The following DIP2C variants were observed in gnomAD, a reference collection of about 807,000 sequenced individuals.
The protein encoded by DIP2C is disco-interacting protein 2 homolog C.
Under a neutral mutation model 192.4 loss-of-function variants are expected in DIP2C, and 33 were observed. That is an observed-to-expected ratio of 0.17 (90% CI 0.13 to 0.23). The LOEUF is 0.23. Ranked by LOEUF, DIP2C falls within the 10% of genes least tolerant of loss-of-function variation. The probability of loss-of-function intolerance (pLI) is 1.00; values close to 1 mark genes in which losing one functional copy is unlikely to be tolerated. For missense variants in DIP2C, 1,537 were observed against 2,110.1 expected (o/e 0.73, Z 5.32); for synonymous variants, 979 against 864.1 (o/e 1.13, Z -2.33).
intron 1 of DIP2C, among the ~76,000 whole-genome samples, chr10:516,960 CCGCGGCA>C (rs1846404067): frequency 6.6e-6 from 1 of 151,416 alleles, no homozygotes; most frequent in African/African-American, 2.4e-5. Flanking sequence ...GGAGAGGCAT[CCGCGGCA>C]CTTCCCAGCA....
rs761170745 is a variant in DIP2C at position 344,781 on chromosome 10, GGCCACCGCCCGCA to G, written c.3453+15_3453+27del. The G allele has an allele frequency of 7.1e-6, 11 of 1,557,246 alleles. No individual in the cohort carries two copies. Among genetic ancestry groups the G allele is most frequent in the Non-Finnish European group, 9.6e-6 (11 of 1,149,060 alleles). ...CAGCACGCTCCGCAGTTGCCTCCAT[GGCCACCGCCCGCA>G]GCCACCCCCCTCACCTTTACGCCAG... On this transcript the variant is annotated intron_variant, in intron 28 of 36. Transcript: ENST00000280886.
chr10:477,881 A>T (rs1039240104), intron 2 of DIP2C, among the ~76,000 whole-genome samples: 17 of 134,442 alleles, frequency 1.3e-4, no homozygotes, highest in Non-Finnish European at 2.6e-4. Context: ...GAAGAAAACG[A>T]GAGAGAAGAA....
At chr10:391,149 G>A (rs1379824267) in intron 10 of DIP2C, among the ~76,000 whole-genome samples, 2 of 152,204 alleles carry the variant, frequency 1.3e-5, no homozygotes, top group African/African-American at 2.4e-5. Context: ...CGTTCAGCGG[G>A]TCGCGTTAAG....
At chr10:415,714 G>A (rs1428681538) in intron 7 of DIP2C, 55 bp downstream of exon 7, 1 of 1,590,804 alleles carries the variant, frequency 6.3e-7, no homozygotes, top group Non-Finnish European at 8.6e-7. Flanking sequence ...AAATATCATT[G>A]TTTACGGGAC....
chr10:336,957 GTGTTGTGGAGGCCTAGGCAGC>G (rs1478204369), intron 29 of DIP2C, among the ~76,000 whole-genome samples: 15 of 79,080 alleles, frequency 1.9e-4, no homozygotes, highest in Non-Finnish European at 5.0e-4. Flanking sequence ...GCGTGTGTGT[GTGTTGTGGAGGCCTAGGCAGC>G]TGTGTGTGTG....
In DIP2C at chr10:614,315, G is replaced by A. The variant is rs557630669; in HGVS notation, c.85+75179C>T. Among the ~76,000 whole-genome samples, 21 of 152,326 alleles carry A rather than the reference G, an allele frequency of 1.4e-4. No individual in the cohort carries two copies. In the East Asian group the frequency reaches 3.1e-3, roughly 22 times the overall value. ...GCATTTCCCCTGGAGACTCGGAGAC[G>A]GGAGCCTGGCCAAGGAGGCCAGAGT... On this transcript the variant is annotated intron_variant, in intron 1 of 36. Coordinates refer to ENST00000280886, the MANE Select transcript of DIP2C (RefSeq NM_014974.3).
At chr10:505,744 C>T (rs981150948) in intron 1 of DIP2C, among the ~76,000 whole-genome samples, 3 of 151,874 alleles carry the variant, frequency 2.0e-5, no homozygotes, top group African/African-American at 7.3e-5. Flanking sequence ...TCTGGGTGCA[C>T]CTGACACCAG....
intron 1 of DIP2C, among the ~76,000 whole-genome samples, chr10:591,405 G>T (rs1369661603): frequency 6.6e-6 from 1 of 152,136 alleles, no homozygotes; most frequent in African/African-American, 2.4e-5. Context: ...GATTACAGGT[G>T]TGAGCCACCA....
At chr10:444,667 T>C (rs982535713) in intron 3 of DIP2C, among the ~76,000 whole-genome samples, 2 of 151,264 alleles carry the variant, frequency 1.3e-5, no homozygotes, top group African/African-American at 4.9e-5. Context: ...GTGTAGATTC[T>C]CCACCGTCAC....
rs759270491 is a variant in DIP2C, at chr10:584,524, C to A, written c.86-97994G>T. ...ACCTCTCAGATAATCTCGGGGCCCG[C>A]GACCTGGCCCCCACTCACGGGCACC... On this transcript the variant is annotated intron_variant, in intron 1 of 36. Coordinates refer to ENST00000280886, the MANE Select transcript of DIP2C (RefSeq NM_014974.3). Among the ~76,000 whole-genome samples the A allele has an allele frequency of 2.2e-5, 3 of 133,548 alleles. No individual in the cohort carries two copies. In the Admixed American group the frequency reaches 2.3e-4, roughly 10 times the overall value. 87.6% of individuals were successfully genotyped at this position (133,548 alleles called of 152,430 possible). A position where few individuals can be genotyped will look rare whatever the true frequency, so the allele number is the denominator to read the frequency against.
rs1962485947 is a variant in DIP2C at position 382,675 on chromosome 10, G to A, written c.1963C>T (p.Pro655Ser). 6 of 1,613,896 alleles carry A rather than the reference G, an allele frequency of 3.7e-6. No individual in the cohort carries two copies. In the East Asian group the frequency reaches 1.1e-4, roughly 30 times the overall value. ...CGGATGGCCACAGTGAGGGCCTCTG[G>A]CGAGCTGGCACAAGGACAGATGACC... Reference protein sequence around the residue: ...QEVICPCASSPEALTVAIRRP... With the variant: ...QEVICPCASSSEALTVAIRRP... Residue 655 changes from proline to serine, a missense_variant, in exon 17 of 37, where the codon CCA becomes TCA. Pro to Ser is a moderately conservative substitution (Grantham distance 74). Transcript: ENST00000280886.
chr10:505,726 A>G (rs1399983168), intron 1 of DIP2C, among the ~76,000 whole-genome samples: 2 of 141,868 alleles, frequency 1.4e-5, no homozygotes, highest in Non-Finnish European at 3.0e-5. Context: ...CTGCCCAGCT[A>G]TATTTCCTCT....
rs149050147 is a variant in DIP2C at position 296,763 on chromosome 10, T to G, written c.3987-8342A>C. 5.3e-5 allele frequency among the ~76,000 whole-genome samples: 8 copies of G among 151,610 alleles called. No individual in the cohort carries two copies. The East Asian group carries it at 1.6e-3, about 30-fold the overall frequency. Reference sequence around the variant, plus strand: ...GGAACATGGAGGAAGGTAGAAACCATCATTCTCAGCAAACTATCACAAGGA... The same window carrying G: ...GGAACATGGAGGAAGGTAGAAACCAGCATTCTCAGCAAACTATCACAAGGA... On this transcript the variant is annotated intron_variant, in intron 32 of 36. Coordinates refer to ENST00000280886, the MANE Select transcript of DIP2C (RefSeq NM_014974.3).
rs1224952626 is a variant in DIP2C, at chr10:531,729, G to A, written c.86-45199C>T. Among the ~76,000 whole-genome samples, 2 of 152,038 alleles carry A rather than the reference G, an allele frequency of 1.3e-5. 1 individual carries two copies. ...ATCAGGATGCAAGCAGATATCATAC[G>A]CTCTGCCGCGGGACCATGAAGTCTG... On this transcript the variant is annotated intron_variant, in intron 1 of 36. Transcript: ENST00000280886.
In DIP2C at chr10:276,233, A is replaced by T. The variant is rs1954509503; in HGVS notation, c.*1092T>A. 6.6e-6 allele frequency: 1 copy of T among 152,660 alleles called. No homozygotes were observed. Among genetic ancestry groups the T allele is most frequent in the South Asian group, 2.1e-4 (1 of 4,832 alleles). 9.5% of individuals were successfully genotyped at this position (152,660 alleles called of 1,614,324 possible). The stretch of plus-strand genomic sequence containing the variant: ...TCACTGTTGTCCCACAGCAAAGAAA[A>T]AAATAGTGCACATTGAGCTTTGAAT... On this transcript the variant is annotated 3_prime_UTR_variant, in exon 37 of 37. Coordinates refer to ENST00000280886, the MANE Select transcript of DIP2C (RefSeq NM_014974.3).
chr10:600,495 G>C (rs1851989117), intron 1 of DIP2C, among the ~76,000 whole-genome samples: 1 of 150,632 alleles, frequency 6.6e-6, no homozygotes, highest in Non-Finnish European at 1.5e-5. Context: ...GACGGCCCAG[G>C]GTGTTCGGAT....
intron 26 of DIP2C, 59 bp from the exon 27 acceptor site, chr10:345,169 C>T (rs1308775046): frequency 6.7e-7 from 1 of 1,485,188 alleles, no homozygotes; most frequent in Non-Finnish European, 9.2e-7. Flanking sequence ...AGCGTGCTCA[C>T]TTCACACGGG....
intron 1 of DIP2C, among the ~76,000 whole-genome samples, chr10:658,502 C>G (rs977190725): frequency 1.3e-5 from 2 of 152,202 alleles, no homozygotes; most frequent in African/African-American, 4.8e-5. Context: ...TGGATGAAGC[C>G]GACAGAATGA....
Position 472,579 on chromosome 10 carries a change from G to C in DIP2C, c.158-30C>G, listed in dbSNP as rs374882472. ...ATTTCAATAAAAACAGCAGAGTGAG[G>C]TGTGACTGTACTCAGCGGAGTCAGC... On this transcript the variant is annotated intron_variant, in intron 2 of 36. Coordinates refer to ENST00000280886, the MANE Select transcript of DIP2C (RefSeq NM_014974.3). 7.0e-6 allele frequency: 11 copies of C among 1,580,106 alleles called. No individual in the cohort carries two copies. In the African/African-American group the frequency reaches 1.5e-4, roughly 21 times the overall value.
Sources: allele counts gnomAD v4.1 joint callset (sites outside exome capture counted in the v4.1 genomes callset), GRCh38; gene constraint gnomAD v4.1.1; transcripts MANE v1.5; gene names NCBI Gene and HGNC (gene_info 2026-07-23, HGNC 2026-07-21).